Variants in CHD9 observed in about 807,000 individuals in gnomAD.
CHD9 encodes ATP-dependent chromatin remodeler CHD9.
In CHD9, 77 loss-of-function variants were observed where a neutral mutation model predicts 316.1. The ratio of observed to expected loss-of-function variants is 0.24; its 90% CI spans 0.20 to 0.29. CHD9 has a LOEUF of 0.29. CHD9 is among the 10% of genes least tolerant of loss of function. The pLI is 1.00. For missense variants in CHD9, 2,763 were observed against 3,438.1 expected (o/e 0.80, Z 4.91); for synonymous variants, 1,129 against 1,158.3 (o/e 0.97, Z 0.51).
At chr16:53,177,268 T>C (rs1186606942) in intron 2 of CHD9, among the ~76,000 whole-genome samples, 2 of 152,192 alleles carry the variant, frequency 1.3e-5, no homozygotes, top group African/African-American at 4.8e-5. Context: ...CACCTTAATA[T>C]ATACATGAAG....
At chr16:53,268,249 C>T in intron 22 of CHD9, 123 bp downstream of exon 22, 1 of 689,000 alleles carries the variant, frequency 1.5e-6, no homozygotes, top group South Asian at 2.4e-5. Context: ...ACCTTCACTC[C>T]CAATTCAAGT....
intron 30 of CHD9, among the ~76,000 whole-genome samples, chr16:53,303,483 GTACT>G (rs1167127363): frequency 9.9e-5 from 15 of 151,962 alleles, no homozygotes; most frequent in Non-Finnish European, 1.8e-4. Flanking sequence ...ATGATTTTTA[GTACT>G]TACTTTTAAA....
chr16:53,148,601 T>C (rs750808901), intron 1 of CHD9, among the ~76,000 whole-genome samples: 1 of 152,250 alleles, frequency 6.6e-6, no homozygotes, highest in Non-Finnish European at 1.5e-5. Flanking sequence ...ACGACTGATG[T>C]TGAGTGTCTT....
intron 1 of CHD9, among the ~76,000 whole-genome samples, chr16:53,094,890 C>T (rs1196664850): frequency 6.6e-6 from 1 of 152,172 alleles, no homozygotes; most frequent in Non-Finnish European, 1.5e-5. Context: ...CTGCCCGCCT[C>T]AGTCTCCCAA....
At chr16:53,264,167 CAT>C (rs2051416393) in intron 20 of CHD9, among the ~76,000 whole-genome samples, 1 of 151,928 alleles carries the variant, frequency 6.6e-6, no homozygotes, top group Non-Finnish European at 1.5e-5. Flanking sequence ...CGTTTGTAAA[CAT>C]AGAAATGTTA....
chr16:53,152,034 A>G (rs904468321), intron 1 of CHD9, among the ~76,000 whole-genome samples: 4 of 151,640 alleles, frequency 2.6e-5, no homozygotes, highest in African/African-American at 9.7e-5. Context: ...GTGTGTGCAT[A>G]TGTGTGTGAG....
At chr16:53,189,775 CTG>C (rs1290588280) in intron 2 of CHD9, among the ~76,000 whole-genome samples, 2 of 152,056 alleles carry the variant, frequency 1.3e-5, no homozygotes, top group South Asian at 2.1e-4. Flanking sequence ...CATTTGTAGA[CTG>C]TGCAATTTTT....
At chr16:53,097,354 C>CCCTT (rs58688221) in intron 1 of CHD9, among the ~76,000 whole-genome samples, 3,256 of 91,994 alleles carry the variant, frequency 0.035, 63 homozygotes, top group African/African-American at 0.083. Flanking sequence ...ACCTCGCTCT[C>CCCTT]CCTTCCTTCC....
At chr16:53,243,093 A>T in intron 13 of CHD9, 77 bp downstream of exon 13, 1 of 1,084,752 alleles carries the variant, frequency 9.2e-7, no homozygotes, top group Admixed American at 2.6e-5. Context: ...TTAATGCTAA[A>T]AATTTTTCTT....
intron 1 of CHD9, among the ~76,000 whole-genome samples, chr16:53,135,019 A>G (rs2039612991): frequency 6.6e-6 from 1 of 152,212 alleles, no homozygotes; most frequent in Admixed American, 6.5e-5. Context: ...GGAGAAATTA[A>G]TGTTGTATTC....
chr16:53,293,067 C>G lies in CHD9; in HGVS notation c.5510+15C>G, dbSNP rs772608286. On this transcript the variant is annotated intron_variant, in intron 29 of 38. Transcript: ENST00000447540. ...AGACAGCAAAGGTAAGACAATAACA[C>G]TAAATTTTTAATGTATTGTCTAAAT... The G allele has an allele frequency of 3.2e-6, 5 of 1,581,148 alleles. No homozygotes were observed. The East Asian group carries it at 1.1e-4, about 36-fold the overall frequency.
Position 53,318,213 on chromosome 16 carries a change from G to A in CHD9, c.7586G>A (p.Arg2529Lys). The part of the protein sequence containing the change: ...YVEDLGAFIP[R>K]MQLHEGRPKQ... The stretch of plus-strand genomic sequence containing the variant: ...TATGTCTTTATCTATATATTTTAGA[G>A]AATGCAGCTTCATGAGGGAAGACCC... The change falls in exon 37 of 39, where the codon AGA becomes AAA. Residue 2529 changes from arginine to lysine, a missense_variant and splice_region_variant. Physicochemically the swap from Arg to Lys is conservative, Grantham distance 26. Around this residue, in one of 15 missense-constraint regions of CHD9, gnomAD observed 663 missense variants for 751.2 expected, o/e 0.88. Coordinates refer to ENST00000447540, the MANE Select transcript of CHD9 (RefSeq NM_001308319.2). The A allele has an allele frequency of 6.2e-7, 1 of 1,608,352 alleles. No homozygotes were observed. Among genetic ancestry groups the A allele is most frequent in the Non-Finnish European group, 8.5e-7 (1 of 1,177,834 alleles).
chr16:53,238,711 C>A, intron 12 of CHD9, 125 bp downstream of exon 12: 1 of 962,232 alleles, frequency 1.0e-6, no homozygotes, highest in Non-Finnish European at 1.6e-6. Context: ...AGTTTAAGTT[C>A]TTTTATTCAT....
At chr16:53,114,969 A>C (rs1438578136) in intron 1 of CHD9, among the ~76,000 whole-genome samples, 1 of 152,198 alleles carries the variant, frequency 6.6e-6, no homozygotes, top group African/African-American at 2.4e-5. Flanking sequence ...TCTACAGCTA[A>C]ATGAAGGGAT....
intron 2 of CHD9, among the ~76,000 whole-genome samples, chr16:53,189,114 A>G (rs1056035515): frequency 1.3e-5 from 2 of 151,842 alleles, no homozygotes; most frequent in Non-Finnish European, 2.9e-5. Flanking sequence ...GATTAAAGAT[A>G]ATTTTATTTC....
At chr16:53,208,158 A>C (rs1339410752) in intron 2 of CHD9, 1 of 1,080,948 alleles carries the variant, frequency 9.3e-7, no homozygotes, top group Non-Finnish European at 1.1e-6. Context: ...CAAGGCAGAA[A>C]TGTGTTGATA....
chr16:53,310,803 G>A (rs2056401926), intron 34 of CHD9: 1 of 150,900 alleles, frequency 6.6e-6, no homozygotes, highest in Admixed American at 6.6e-5. Context: ...GTGAGCCGAG[G>A]TCGGGCCATT....
rs1015946956 is a variant in CHD9 at position 53,273,512 on chromosome 16, A to G, written c.4718-114A>G. ...GTCAGTATTGTTACTAATATTTTAA[A>G]GATCTCTGAACAGACCTCAGAAAGT... On this transcript the variant is annotated intron_variant, in intron 22 of 38. Transcript: ENST00000447540. The G allele has an allele frequency of 4.5e-6, 3 of 672,262 alleles. No individual in the cohort carries two copies. In the African/African-American group the frequency reaches 5.4e-5, roughly 12 times the overall value. The allele number at this position is 672,262 out of a possible 1,614,324, so 41.6% of individuals were successfully genotyped here. A position where few individuals can be genotyped will look rare whatever the true frequency, so the allele number is the denominator to read the frequency against.
chr16:53,118,362 A>G (rs1178751083), intron 1 of CHD9, among the ~76,000 whole-genome samples: 5 of 152,002 alleles, frequency 3.3e-5, no homozygotes, highest in Admixed American at 3.3e-4. Context: ...GGTTGCAGTG[A>G]GCCGAGATCA....
Sources: gnomAD v4.1 joint callset for allele counts (sites outside exome capture counted in the v4.1 genomes callset) on GRCh38, gnomAD v4.1.1 for gene constraint, gnomAD v4.1.1 regional missense constraint, MANE v1.5 for transcripts, NCBI Gene and HGNC (gene_info 2026-07-23, HGNC 2026-07-21) for gene names.